TRHDE: variants seen among roughly 807,000 people sequenced by gnomAD.
TRHDE encodes the protein thyrotropin releasing hormone degrading enzyme, also known as thyrotropin-releasing hormone-degrading ectoenzyme.
Under a neutral mutation model 125.7 loss-of-function variants are expected in TRHDE, and 72 were observed. The observed-to-expected ratio is 0.57, with a 90% CI of 0.47 to 0.70. The LOEUF (loss-of-function observed/expected upper bound fraction) is 0.70. Among genes scored for constraint, TRHDE ranks in the 30% least tolerant of loss-of-function variants. The probability of loss-of-function intolerance (pLI) is 0.00; values close to 1 mark genes in which losing one functional copy is unlikely to be tolerated. For missense variants in TRHDE, 1,110 were observed against 1,327.1 expected (o/e 0.84, Z 2.54); for synonymous variants, 509 against 509.1 (o/e 1.00, Z 0.00).
intron 12 of TRHDE, among the ~76,000 whole-genome samples, chr12:72,596,624 G>A (rs970789368): frequency 7.2e-5 from 11 of 152,100 alleles, no homozygotes; most frequent in African/African-American, 1.7e-4. Flanking sequence ...TGAAAATTTC[G>A]TAATGCTTCA....
At chr12:72,189,701 T>A (rs1181964808) in intron 2 of TRHDE, among the ~76,000 whole-genome samples, 1 of 151,484 alleles carries the variant, frequency 6.6e-6, no homozygotes, top group Non-Finnish European at 1.5e-5. Context: ...GCTTAGGGGG[T>A]CGCTTTGGAC....
chr12:72,548,852 C>G (rs983511424), intron 7 of TRHDE, among the ~76,000 whole-genome samples: 1 of 151,494 alleles, frequency 6.6e-6, no homozygotes. Context: ...GAGTCAACAC[C>G]AGGGTATTGA....
At chr12:72,245,749 A>C (rs919359838) in intron 2 of TRHDE, among the ~76,000 whole-genome samples, 1 of 152,018 alleles carries the variant, frequency 6.6e-6, no homozygotes, top group Non-Finnish European at 1.5e-5. Flanking sequence ...GTATGTATGT[A>C]TGAACATATA....
At chr12:72,324,365 A>G (rs1490962333) in intron 2 of TRHDE, among the ~76,000 whole-genome samples, 2 of 152,100 alleles carry the variant, frequency 1.3e-5, no homozygotes, top group East Asian at 3.9e-4. Flanking sequence ...CTCCATGAAT[A>G]CAGGAAGGAT....
chr12:72,261,223 G>A (rs1371422367), intron 2 of TRHDE, among the ~76,000 whole-genome samples: 1 of 152,096 alleles, frequency 6.6e-6, no homozygotes, highest in Non-Finnish European at 1.5e-5. Context: ...AGATCTTGAT[G>A]GTACCGGACT....
intron 2 of TRHDE, among the ~76,000 whole-genome samples, chr12:72,238,315 T>TATATACACATA (rs1878392973): frequency 3.1e-5 from 1 of 32,034 alleles, no homozygotes; most frequent in African/African-American, 1.2e-4. Flanking sequence ...TATATATATA[T>TATATACACATA]ATATATACAT....
intron 3 of TRHDE, among the ~76,000 whole-genome samples, chr12:72,409,418 T>C (rs1057334645): frequency 2.6e-5 from 4 of 152,192 alleles, no homozygotes; most frequent in African/African-American, 4.8e-5. Context: ...TATCAGTTTT[T>C]CTGGCTTCTT....
At chr12:72,337,886 C>T (rs991212100) in intron 2 of TRHDE, among the ~76,000 whole-genome samples, 3 of 151,906 alleles carry the variant, frequency 2.0e-5, no homozygotes, top group African/African-American at 4.8e-5. Context: ...TCCCATTGCA[C>T]GTAATTGGCT....
At chr12:72,242,273 C>G (rs1878497520) in intron 2 of TRHDE, among the ~76,000 whole-genome samples, 1 of 152,204 alleles carries the variant, frequency 6.6e-6, no homozygotes, top group Non-Finnish European at 1.5e-5. Flanking sequence ...CTCTTCTCCA[C>G]TGTCTCCCCA....
chr12:72,158,750 C>G (rs1355503422), intron 2 of TRHDE, among the ~76,000 whole-genome samples: 3 of 152,096 alleles, frequency 2.0e-5, no homozygotes, highest in Non-Finnish European at 4.4e-5. Context: ...TGTTGGAAGC[C>G]TTTCCTAAGA....
intron 7 of TRHDE, 109 bp downstream of exon 7, chr12:72,542,465 T>A: frequency 1.2e-6 from 1 of 800,618 alleles, no homozygotes; most frequent in Non-Finnish European, 1.9e-6. Flanking sequence ...AACTTTAAGA[T>A]GTGTAAGTTA....
chr12:72,378,016 G>T lies in TRHDE; in HGVS notation c.1210G>T (p.Asp404Tyr). 1 of 1,596,534 alleles carries T rather than the reference G, an allele frequency of 6.3e-7. No homozygotes were observed. The highest frequency in any genetic ancestry group is 2.2e-5 in the East Asian group (1 of 44,610). ...TTAGGTACGATTATATGCAAGACCT[G>T]ATGCTATCAGAAGAGGATCCGGGGA... is the stretch of plus-strand genomic sequence containing the variant. The part of the protein sequence containing the change: ...GVVVRLYARP[D>Y]AIRRGSGDYA... Residue 404 changes from aspartate to tyrosine, a missense_variant, in exon 3 of 19, where the codon GAT (aspartate) becomes TAT (tyrosine). Coordinates refer to ENST00000261180, the MANE Select transcript of TRHDE (RefSeq NM_013381.3).
At chr12:72,380,623 A>G (rs1042722586) in intron 3 of TRHDE, among the ~76,000 whole-genome samples, 6 of 152,234 alleles carry the variant, frequency 3.9e-5, no homozygotes, top group African/African-American at 9.6e-5. Context: ...CAGAGTGAGT[A>G]AAGGGGTGAG....
intron 2 of TRHDE, among the ~76,000 whole-genome samples, chr12:72,228,689 A>C (rs1311285105): frequency 6.6e-6 from 1 of 152,108 alleles, no homozygotes; most frequent in Non-Finnish European, 1.5e-5. Flanking sequence ...ATGAGTTCCA[A>C]CTCCAAACCA....
chr12:72,103,628 G>A (rs2139290583), intron 1 of TRHDE, among the ~76,000 whole-genome samples: 1 of 152,184 alleles, frequency 6.6e-6, no homozygotes, highest in Non-Finnish European at 1.5e-5. Context: ...CTTTATTAAA[G>A]GAATATTATT....
chr12:72,283,614 C>A (rs1042411492), intron 1 of TRHDE, among the ~76,000 whole-genome samples: 1 of 152,122 alleles, frequency 6.6e-6, no homozygotes, highest in African/African-American at 2.4e-5. Context: ...ATTTAAATTG[C>A]TACCTTCCCT....
At chr12:72,466,518 T>C (rs766106480) in intron 3 of TRHDE, among the ~76,000 whole-genome samples, 1 of 152,224 alleles carries the variant, frequency 6.6e-6, no homozygotes, top group Non-Finnish European at 1.5e-5. Context: ...GGTCCTGTTA[T>C]CTGGTTTGTT....
chr12:72,300,730 A>G (rs193274226), intron 2 of TRHDE, among the ~76,000 whole-genome samples: 1 of 152,084 alleles, frequency 6.6e-6, no homozygotes, highest in Non-Finnish European at 1.5e-5. Context: ...TCCATGGTAC[A>G]TAGCATAGCA....
At chr12:72,187,830 A>G (rs1378788299) in intron 2 of TRHDE, among the ~76,000 whole-genome samples, 1 of 152,212 alleles carries the variant, frequency 6.6e-6, no homozygotes, top group African/African-American at 2.4e-5. Flanking sequence ...TGTAATTGAA[A>G]GATATGTACT....
Sources: gnomAD v4.1 joint callset for allele counts (sites outside exome capture counted in the v4.1 genomes callset) on GRCh38, gnomAD v4.1.1 for gene constraint, MANE v1.5 for transcripts, NCBI Gene and HGNC (gene_info 2026-07-23, HGNC 2026-07-21) for gene names.